The following SLC67A1 variants were observed in gnomAD, a reference collection of about 807,000 sequenced individuals.
The protein encoded by SLC67A1 is solute carrier family 67 member 1, also known as solute carrier family 67 member A1.
chr11:2,914,511 C>T, the SLC67A1 span, among the ~76,000 whole-genome samples: 1 of 152,134 alleles, frequency 6.6e-6, no homozygotes, highest in Non-Finnish European at 1.5e-5. Context: ...GGAAGGACAG[C>T]CTGCGTCTCC....
the SLC67A1 span, among the ~76,000 whole-genome samples, chr11:2,918,458 G>T: frequency 6.6e-6 from 1 of 152,232 alleles, no homozygotes; most frequent in African/African-American, 2.4e-5. Flanking sequence ...GCTGGCCCTG[G>T]GCCCTCTCAG....
the SLC67A1 span, chr11:2,920,442 G>A: frequency 1.3e-5 from 2 of 152,384 alleles, no homozygotes. Flanking sequence ...GCTGAAGCCT[G>A]CAGCTGGGCT....
the SLC67A1 span, among the ~76,000 whole-genome samples, chr11:2,900,429 A>C: frequency 4.6e-5 from 7 of 152,096 alleles, no homozygotes; most frequent in South Asian, 2.1e-4. Context: ...GCGGTGGCTC[A>C]CGCCTGTAAT....
chr11:2,913,378 G>A, the SLC67A1 span, among the ~76,000 whole-genome samples: 484 of 152,266 alleles, frequency 3.2e-3, 3 homozygotes, highest in Middle Eastern at 0.024. Flanking sequence ...TGCTGGGCCC[G>A]TGAGTCACTC....
At chr11:2,922,436 G>T in the SLC67A1 span, 2 of 1,610,628 alleles carry the variant, frequency 1.2e-6, no homozygotes, top group Non-Finnish European at 1.7e-6. Flanking sequence ...GCCGTCCCAG[G>T]CCTGGATGTC....
chr11:2,909,392 G>T, the SLC67A1 span: 1 of 1,499,706 alleles, frequency 6.7e-7, no homozygotes, highest in Non-Finnish European at 8.8e-7. Context: ...GGTGGGGCCG[G>T]GTCGGGGGCA....
the SLC67A1 span, chr11:2,899,875 G>GC: frequency 4.4e-6 from 3 of 675,522 alleles, no homozygotes; most frequent in South Asian, 2.2e-5. Context: ...ACACCTCTGG[G>GC]CAGTTTGGTA....
At chr11:2,919,045 C>T in the SLC67A1 span, 2 of 508,814 alleles carry the variant, frequency 3.9e-6, no homozygotes, top group Non-Finnish European at 3.6e-6. Context: ...ACGTGGTCAG[C>T]CCTGGGTCCC....
the SLC67A1 span, among the ~76,000 whole-genome samples, chr11:2,907,564 C>T: frequency 6.6e-6 from 1 of 152,200 alleles, no homozygotes; most frequent in East Asian, 1.9e-4. The surrounding 1 kb of genome is among the most constrained non-coding windows in gnomAD (Gnocchi z 6.7). Flanking sequence ...AACCCCATTT[C>T]CTAAGAATGT....
At chr11:2,903,483 C>T in the SLC67A1 span, 22 of 1,613,116 alleles carry the variant, frequency 1.4e-5, no homozygotes, top group East Asian at 6.7e-5. Flanking sequence ...AGTTCTCCAT[C>T]GTGCCAGTGA....
the SLC67A1 span, chr11:2,924,976 GCCCAGGGCCTGACTACCCCCATGCACCC>G: frequency 6.4e-7 from 1 of 1,571,708 alleles, no homozygotes; most frequent in Non-Finnish European, 8.6e-7. This position sits in a 1 kb window ranked among gnomAD's most constrained non-coding sequence, Gnocchi z 8.6. Context: ...CCAGGGAGCT[GCCCAGGGCCTGACTACCCCCATGCACCC>G]CCCAGGGACC....
the SLC67A1 span, chr11:2,903,110 T>C: frequency 5.5e-6 from 5 of 911,182 alleles, no homozygotes; most frequent in African/African-American, 3.3e-5. Context: ...AGACCAGAGC[T>C]GTCAAAAGTG....
At chr11:2,916,948 G>A in the SLC67A1 span, 5,284 of 585,008 alleles carry the variant, frequency 9.0e-3, 50 homozygotes, top group Non-Finnish European at 0.012. Context: ...GTGGGGCTCC[G>A]GCAGGCAGGG....
chr11:2,914,302 C>T, the SLC67A1 span, among the ~76,000 whole-genome samples: 5 of 152,176 alleles, frequency 3.3e-5, no homozygotes, highest in African/African-American at 9.7e-5. Context: ...TCTGGCAGGT[C>T]GTGGTGAGGT....
At chr11:2,918,068 G>C in the SLC67A1 span, 1 of 1,613,656 alleles carries the variant, frequency 6.2e-7, no homozygotes, top group Admixed American at 1.7e-5. Flanking sequence ...GATCTTCCTG[G>C]TGAAGGTGGC....
chr11:2,908,113 G>A, the SLC67A1 span: 1 of 670,574 alleles, frequency 1.5e-6, no homozygotes, highest in Non-Finnish European at 2.7e-6. Flanking sequence ...TGGTCATACT[G>A]TGCAGTCAAC....
At chr11:2,903,454 C>T in the SLC67A1 span, 2 of 1,613,274 alleles carry the variant, frequency 1.2e-6, no homozygotes, top group Non-Finnish European at 1.7e-6. Context: ...CGCCACAGAA[C>T]TTACCTGCCT....
chr11:2,899,887 C>T, the SLC67A1 span: 4 of 602,682 alleles, frequency 6.6e-6, no homozygotes, highest in African/African-American at 5.5e-5. Context: ...AGTTTGGTAA[C>T]TCATCCCATC....
chr11:2,912,110 C>T, the SLC67A1 span, among the ~76,000 whole-genome samples: 1 of 152,242 alleles, frequency 6.6e-6, no homozygotes, highest in Non-Finnish European at 1.5e-5. Context: ...GTGTGGGACT[C>T]CCTCAGGTTC....
Sources: gnomAD v4.1 joint callset for allele counts (sites outside exome capture counted in the v4.1 genomes callset) on GRCh38, gnomAD v4.1.1 for gene constraint, Gnocchi (gnomAD v3.1) non-coding constraint, MANE v1.5 for transcripts, NCBI Gene and HGNC (gene_info 2026-07-23, HGNC 2026-07-21) for gene names.